The following CSMD1 variants were observed in gnomAD, a reference collection of about 807,000 sequenced individuals.
CSMD1 encodes the protein CUB and sushi domain-containing protein 1.
A neutral mutation model predicts 417.5 loss-of-function variants in CSMD1; 213 were observed. The ratio of observed to expected loss-of-function variants is 0.51; its 90% CI spans 0.46 to 0.57. The LOEUF (loss-of-function observed/expected upper bound fraction) is 0.57. Ranked by LOEUF, CSMD1 falls within the 20% of genes least tolerant of loss-of-function variation. The pLI is 0.00. For missense variants in CSMD1, 6,923 were observed against 4,529.7 expected, an observed-to-expected ratio of 1.53 and a Z score of -15.17; for synonymous variants, 2,862 against 1,736.8, an observed-to-expected ratio of 1.65 and a Z score of -16.11.
At chr8:3,403,201 GA>G (rs1428890850) in intron 15 of CSMD1, among the ~76,000 whole-genome samples, 2 of 152,132 alleles carry the variant, frequency 1.3e-5, no homozygotes, top group Non-Finnish European at 2.9e-5. Flanking sequence ...CACTTTTCAA[GA>G]AAAACAATAA....
chr8:4,279,089 T>A (rs185366697), intron 3 of CSMD1, among the ~76,000 whole-genome samples: 260 of 152,328 alleles, frequency 1.7e-3, no homozygotes, highest in Middle Eastern at 3.4e-3. Flanking sequence ...TTTCCTAATT[T>A]TTTTTTAAAA....
At chr8:4,129,025 G>A (rs2897640) in intron 3 of CSMD1, among the ~76,000 whole-genome samples, 38,412 of 142,718 alleles carry the variant, frequency 0.27, 5,250 homozygotes, top group East Asian at 0.42. Context: ...GCAGTAAGCC[G>A]AGATCGCGCC....
chr8:4,674,462 G>T (rs963172136), intron 1 of CSMD1, among the ~76,000 whole-genome samples: 6 of 152,132 alleles, frequency 3.9e-5, no homozygotes, highest in Non-Finnish European at 8.8e-5. Flanking sequence ...CCTGGCAGAG[G>T]AGGCTGTGTG....
intron 1 of CSMD1, among the ~76,000 whole-genome samples, chr8:4,840,442 C>T (rs746729209): frequency 6.6e-5 from 10 of 152,232 alleles, no homozygotes; most frequent in African/African-American, 1.4e-4. Flanking sequence ...AGACTATAGT[C>T]AGTTCTGAAA....
At chr8:4,784,012 A>C (rs1457185) in intron 1 of CSMD1, among the ~76,000 whole-genome samples, 22,377 of 152,170 alleles carry the variant, frequency 0.15, 1,886 homozygotes, top group East Asian at 0.3. Context: ...GATTAGTGAA[A>C]ATTATGGATA....
intron 1 of CSMD1, among the ~76,000 whole-genome samples, chr8:4,896,008 T>G (rs931419553): frequency 3.3e-5 from 5 of 152,120 alleles, no homozygotes; most frequent in Non-Finnish European, 5.9e-5. Context: ...AACCATTTTC[T>G]GATTGAGATA....
chr8:3,747,413 A>G (rs1024099595), intron 6 of CSMD1, among the ~76,000 whole-genome samples: 2 of 143,952 alleles, frequency 1.4e-5, no homozygotes, highest in Non-Finnish European at 3.1e-5. Context: ...ATGTAGACAC[A>G]GTATTTTTTT....
chr8:4,499,654 G>C (rs568332291), intron 2 of CSMD1, among the ~76,000 whole-genome samples: 31 of 152,336 alleles, frequency 2.0e-4, no homozygotes, highest in Admixed American at 9.8e-4. Flanking sequence ...CTGCGAGTAG[G>C]TATGTTATAA....
intron 10 of CSMD1, among the ~76,000 whole-genome samples, chr8:3,514,219 A>G (rs1280536561): frequency 6.6e-6 from 1 of 152,150 alleles, no homozygotes; most frequent in East Asian, 1.9e-4. Flanking sequence ...AGGATACTAA[A>G]TAAGACCGGC....
intron 5 of CSMD1, among the ~76,000 whole-genome samples, chr8:3,795,846 G>C (rs574159379): frequency 1.6e-5 from 1 of 62,380 alleles, no homozygotes; most frequent in East Asian, 3.4e-4. Flanking sequence ...TACAGATATA[G>C]ATATATATCT....
intron 2 of CSMD1, among the ~76,000 whole-genome samples, chr8:4,579,592 C>G (rs574306843): frequency 8.6e-5 from 13 of 152,012 alleles, no homozygotes; most frequent in Non-Finnish European, 1.3e-4. Context: ...TCGAGATCCT[C>G]ACCTCATGAT....
chr8:4,724,424 A>G (rs998344760), intron 1 of CSMD1, among the ~76,000 whole-genome samples: 1 of 152,084 alleles, frequency 6.6e-6, no homozygotes, highest in African/African-American at 2.4e-5. Context: ...AGACTTAAAT[A>G]TACAAATAAC....
chr8:3,005,985 C>A (rs183798177), intron 52 of CSMD1, among the ~76,000 whole-genome samples: 1,625 of 152,190 alleles, frequency 0.011, 13 homozygotes, highest in Non-Finnish European at 0.018. Context: ...TCAAATTGCC[C>A]CTGTTGGCAG....
intron 10 of CSMD1, among the ~76,000 whole-genome samples, chr8:3,532,871 C>T (rs1289035146): frequency 1.3e-5 from 2 of 152,138 alleles, no homozygotes; most frequent in Non-Finnish European, 2.9e-5. Context: ...TAATTTCACA[C>T]TGAGATCTAT....
intron 25 of CSMD1, among the ~76,000 whole-genome samples, chr8:3,304,302 A>G (rs1804644247): frequency 6.6e-6 from 1 of 152,178 alleles, no homozygotes; most frequent in Non-Finnish European, 1.5e-5. Flanking sequence ...TTACCATTGA[A>G]ATAAATAAGA....
chr8:3,900,584 A>AGGG (rs1807677765), intron 5 of CSMD1, among the ~76,000 whole-genome samples: 1 of 151,364 alleles, frequency 6.6e-6, no homozygotes, highest in African/African-American at 2.4e-5. Flanking sequence ...GCTGGATGAC[A>AGGG]CTCTAGCTGG....
At chr8:3,803,660 C>T (rs1194815168) in intron 5 of CSMD1, among the ~76,000 whole-genome samples, 1 of 152,042 alleles carries the variant, frequency 6.6e-6, no homozygotes, top group Non-Finnish European at 1.5e-5. Flanking sequence ...TTCATAGAGG[C>T]CAGAGTGGCA....
intron 1 of CSMD1, among the ~76,000 whole-genome samples, chr8:4,691,432 C>G (rs1311304686): frequency 6.6e-6 from 1 of 152,184 alleles, no homozygotes; most frequent in Non-Finnish European, 1.5e-5. Flanking sequence ...TTATATTCAT[C>G]TTGATAACAT....
chr8:4,110,767 A>G (rs561977762), intron 3 of CSMD1, among the ~76,000 whole-genome samples: 1 of 152,190 alleles, frequency 6.6e-6, no homozygotes, highest in East Asian at 1.9e-4. Flanking sequence ...CAGATTACAG[A>G]CATTCAAACG....
Sources: allele counts gnomAD v4.1 joint callset (sites outside exome capture counted in the v4.1 genomes callset), GRCh38; gene constraint gnomAD v4.1.1; transcripts MANE v1.5; gene names NCBI Gene and HGNC (gene_info 2026-07-23, HGNC 2026-07-21).